The following CRTC1 variants were observed in gnomAD, a reference collection of about 807,000 sequenced individuals.
CRTC1 encodes CREB-regulated transcription coactivator 1.
In CRTC1, 18 loss-of-function variants were observed where a neutral mutation model predicts 66.1. The observed-to-expected ratio is 0.27, with a 90% CI of 0.19 to 0.40. The LOEUF (loss-of-function observed/expected upper bound fraction) is 0.40, where lower values mean the gene tolerates loss of function less well. Ranked by LOEUF, CRTC1 falls within the 10% of genes least tolerant of loss-of-function variation. The probability of loss-of-function intolerance (pLI) is 1.00; values close to 1 mark genes in which losing one functional copy is unlikely to be tolerated. For synonymous variants in CRTC1, 416 were observed against 398.8 expected, an observed-to-expected ratio of 1.04 and a Z score of -0.51; for missense variants, 669 against 887.9, an observed-to-expected ratio of 0.75 and a Z score of 3.13.
Position 18,775,711 on chromosome 19 carries a change from A to G in CRTC1, c.1583A>G (p.Asn528Ser), listed in dbSNP as rs1213393407. 6.2e-6 allele frequency: 10 copies of G among 1,612,536 alleles called. No homozygotes were observed. Among genetic ancestry groups the G allele is most frequent in the Non-Finnish European group, 7.6e-6 (9 of 1,179,826 alleles). Residue 528 changes from asparagine to serine, a missense_variant, in exon 13 of 14, where the codon AAC (asparagine) becomes AGC (serine). Asn to Ser is a conservative substitution (Grantham distance 46). Around this residue, in one of 8 missense-constraint regions of CRTC1, gnomAD observed 79 missense variants for 100.1 expected, o/e 0.79. Transcript: ENST00000321949. ...SSLYSPGSTL[N>S]YSQAAMMGLT... is the part of the protein sequence containing the mutation. ...CTGTACAGCCCGGGCTCCACACTCA[A>G]CTACTCGCAGGCGGCCATGATGGGC...
At chr19:18,684,393 TC>T (rs1186480666) in intron 1 of CRTC1, among the ~76,000 whole-genome samples, 38 of 152,242 alleles carry the variant, frequency 2.5e-4, no homozygotes, top group African/African-American at 7.2e-4. Flanking sequence ...GACCGGTGTC[TC>T]TACGTCATGG....
In CRTC1 at chr19:18,715,996, C is replaced by CG. The variant is rs948221439; in HGVS notation, c.127-26906dup. ...ACGCTTATGTGCTGGCAGCGGTTGGCGGGGGGGGTGTCGCCAAAGAGCGGG... is the reference window on the plus strand; with the variant it reads ...ACGCTTATGTGCTGGCAGCGGTTGGCGGGGGGGGGTGTCGCCAAAGAGCGGG... On this transcript the variant is annotated intron_variant, in intron 1 of 13. Transcript: ENST00000321949. 4.9e-4 allele frequency among the ~76,000 whole-genome samples: 74 copies of CG among 151,724 alleles called. 1 individual carries two copies. Among genetic ancestry groups the CG allele is most frequent in the Middle Eastern group, 3.4e-3 (1 of 292 alleles).
rs145010202 is a variant in CRTC1, at chr19:18,694,552, C to T, written c.126+10724C>T. On this transcript the variant is annotated intron_variant, in intron 1 of 13. Transcript: ENST00000321949. Reference sequence around the variant, plus strand: ...GGCTCTAGCGATCCTCCCACCTCAGCCCCCTGAGTAGCTGGGACCACAGGT... The same window carrying T: ...GGCTCTAGCGATCCTCCCACCTCAGTCCCCTGAGTAGCTGGGACCACAGGT... Among the ~76,000 whole-genome samples, 347 of 152,276 alleles carry T rather than the reference C, an allele frequency of 2.3e-3. 2 individuals carry two copies. The highest frequency in any genetic ancestry group is 7.8e-3 in the African/African-American group (324 of 41,554).
intron 1 of CRTC1, among the ~76,000 whole-genome samples, chr19:18,721,193 CTGT>C (rs1568497375): frequency 7.6e-6 from 1 of 131,980 alleles, no homozygotes; most frequent in Non-Finnish European, 1.6e-5. Context: ...AGTTCAACCT[CTGT>C]TTTTTTTTTT....
chr19:18,765,538 C>T lies in CRTC1; in HGVS notation c.1011+10C>T, dbSNP rs761762428. ...GTCACCCATCACTCAGGTGCGAGGGCAAGGTGGGGGGCAGGTGGGAGGGGG... is the reference window on the plus strand; with the variant it reads ...GTCACCCATCACTCAGGTGCGAGGGTAAGGTGGGGGGCAGGTGGGAGGGGG... On this transcript the variant is annotated intron_variant, in intron 9 of 13. Coordinates refer to ENST00000321949, the MANE Select transcript of CRTC1 (RefSeq NM_015321.3). 6.3e-7 allele frequency: 1 copy of T among 1,598,292 alleles called. No individual in the cohort carries two copies. Among genetic ancestry groups the T allele is most frequent in the South Asian group, 1.1e-5 (1 of 90,358 alleles).
intron 1 of CRTC1, among the ~76,000 whole-genome samples, chr19:18,711,038 C>A (rs542227746): frequency 1.3e-5 from 2 of 152,320 alleles, no homozygotes; most frequent in East Asian, 3.9e-4. Context: ...GATGGGGAGT[C>A]TGCTGTGGCC....
chr19:18,695,710 G>A (rs751568593), intron 1 of CRTC1, among the ~76,000 whole-genome samples: 2 of 152,010 alleles, frequency 1.3e-5, no homozygotes, highest in African/African-American at 2.4e-5. Context: ...CTAAAAATAC[G>A]GAAAATTGGC....
chr19:18,737,687 C>T (rs1053560042), intron 1 of CRTC1, among the ~76,000 whole-genome samples: 3 of 151,772 alleles, frequency 2.0e-5, no homozygotes, highest in Admixed American at 6.6e-5. Flanking sequence ...GATTCTCTCC[C>T]GCCTCTGTCA....
At position 18,747,106 on chromosome 19, in the gene CRTC1, C is replaced by T. The variant is rs1488699328; in HGVS notation, c.435C>T (p.Ser145=). The change falls in exon 4 of 14, where the codon AGC becomes AGT. Residue 145 remains serine, a synonymous_variant. Coordinates refer to ENST00000321949, the MANE Select transcript of CRTC1 (RefSeq NM_015321.3). ...ACCTCTCACCACCCGCGGACACCAGCTGGAGAAGGTCAGTGGCTGGACACC... is the reference window on the plus strand; with the variant it reads ...ACCTCTCACCACCCGCGGACACCAGTTGGAGAAGGTCAGTGGCTGGACACC... The part of the protein sequence containing the change: ...TMYLSPPADT[S]WRRTNSDSAL... 2.5e-6 allele frequency: 4 copies of T among 1,609,202 alleles called. No homozygotes were observed. The highest frequency in any genetic ancestry group is 3.4e-5 in the Admixed American group (2 of 59,658).
chr19:18,739,811 G>A (rs2054073686), intron 1 of CRTC1, among the ~76,000 whole-genome samples: 1 of 152,218 alleles, frequency 6.6e-6, no homozygotes, highest in South Asian at 2.1e-4. Context: ...GCTCCCAGGG[G>A]TTCCAGCCAG....
intron 5 of CRTC1, 41 bp downstream of exon 5, chr19:18,749,916 A>G (rs979015606): frequency 6.6e-7 from 1 of 1,516,104 alleles, no homozygotes; most frequent in African/African-American, 1.4e-5. Flanking sequence ...GGGGTGAGGC[A>G]AGTCCAGCAG....
chr19:18,736,530 G>A (rs74180901), intron 1 of CRTC1, among the ~76,000 whole-genome samples: 4 of 151,994 alleles, frequency 2.6e-5, no homozygotes, highest in Non-Finnish European at 4.4e-5. Context: ...TGCAGAGGGC[G>A]GCCCCTTGGA....
rs1381045685 is a variant in CRTC1, at chr19:18,760,372, C to T, written c.886+144C>T. 1.3e-5 allele frequency: 9 copies of T among 689,458 alleles called. No homozygotes were observed. The highest frequency in any genetic ancestry group is 3.6e-5 in the African/African-American group (2 of 55,908). 42.7% of individuals were successfully genotyped at this position (689,458 alleles called of 1,614,324 possible). A position where few individuals can be genotyped will look rare whatever the true frequency, so the allele number is the denominator to read the frequency against. ...GGGGGCGGCCGACAGGCTGACCCAGCGGGCACAGGCATCCCAGGTAGGGGT... is the reference window on the plus strand; with the variant it reads ...GGGGGCGGCCGACAGGCTGACCCAGTGGGCACAGGCATCCCAGGTAGGGGT... On this transcript the variant is annotated intron_variant, in intron 8 of 13. Transcript: ENST00000321949. The surrounding 1 kb of genome is among the most constrained non-coding windows in gnomAD (Gnocchi z 6.2).
Position 18,771,559 on chromosome 19 carries a change from G to A in CRTC1, c.1425+13G>A, listed in dbSNP as rs147379194. On this transcript the variant is annotated intron_variant, in intron 11 of 13. Transcript: ENST00000321949. This position sits in a 1 kb window ranked among gnomAD's most constrained non-coding sequence, Gnocchi z 4.6. ...GAGCTCCCCGCAAGTAAGGGGCGCC[G>A]CCTCCCCCTTGGCCTGTGGGCTCCA... The A allele has an allele frequency of 2.3e-5, 37 of 1,598,304 alleles. No individual in the cohort carries two copies. Among genetic ancestry groups the A allele is most frequent in the South Asian group, 2.0e-4 (18 of 89,604 alleles).
chr19:18,770,368 G>A (rs906746354), intron 10 of CRTC1, among the ~76,000 whole-genome samples: 1 of 152,250 alleles, frequency 6.6e-6, no homozygotes, highest in Admixed American at 6.5e-5. Flanking sequence ...CCTGCAGCAG[G>A]GCAGGGATAG....
chr19:18,747,543 G>A (rs908958117), intron 4 of CRTC1, among the ~76,000 whole-genome samples: 2 of 152,114 alleles, frequency 1.3e-5, no homozygotes, highest in Non-Finnish European at 1.5e-5. Context: ...AGGCTGAGGC[G>A]GGATAATTGA....
At chr19:18,736,085 C>T (rs905119487) in intron 1 of CRTC1, among the ~76,000 whole-genome samples, 2 of 152,190 alleles carry the variant, frequency 1.3e-5, no homozygotes, top group African/African-American at 4.8e-5. Context: ...GGCTTCACGC[C>T]AGCAGCAGGG....
At chr19:18,715,999 G>T (rs76430269) in intron 1 of CRTC1, among the ~76,000 whole-genome samples, 8,246 of 152,238 alleles carry the variant, frequency 0.054, 467 homozygotes, top group African/African-American at 0.15. Context: ...CGGTTGGCGG[G>T]GGGGGTGTCG....
chr19:18,778,748 A>G lies in CRTC1; in HGVS notation c.*1366A>G. 1 of 230,856 alleles carries G rather than the reference A, an allele frequency of 4.3e-6. No individual in the cohort carries two copies. The highest frequency in any genetic ancestry group is 6.1e-5 in the East Asian group (1 of 16,284). The allele number at this position is 230,856 out of a possible 1,614,324, so 14.3% of individuals were successfully genotyped here. A position where few individuals can be genotyped will look rare whatever the true frequency, so the allele number is the denominator to read the frequency against. On this transcript the variant is annotated 3_prime_UTR_variant, in exon 14 of 14. Coordinates refer to ENST00000321949, the MANE Select transcript of CRTC1 (RefSeq NM_015321.3). ...CCTCTCTGCCCCAAGAGTGTGGGGG[A>G]CTGGCAGGGAGCGAGGGTCCCCGAG...
Sources: gnomAD v4.1 joint callset for allele counts (sites outside exome capture counted in the v4.1 genomes callset) on GRCh38, gnomAD v4.1.1 for gene constraint, gnomAD v4.1.1 regional missense constraint, Gnocchi (gnomAD v3.1) non-coding constraint, MANE v1.5 for transcripts, NCBI Gene and HGNC (gene_info 2026-07-23, HGNC 2026-07-21) for gene names.